The following CLRN2 variants were observed in gnomAD, a reference collection of about 807,000 sequenced individuals.
The protein encoded by CLRN2 is clarin-2.
A neutral mutation model predicts 20.1 loss-of-function variants in CLRN2; 17 were observed. The ratio of observed to expected loss-of-function variants is 0.85; its 90% CI spans 0.58 to 1.27. The LOEUF (loss-of-function observed/expected upper bound fraction) is 1.27, where lower values mean the gene tolerates loss of function less well. Among genes scored for constraint, CLRN2 ranks in the 50% most tolerant of loss-of-function variants. CLRN2 has a pLI of 0.00. For missense variants in CLRN2, 288 were observed against 299.5 expected, an observed-to-expected ratio of 0.96 and a Z score of 0.28; for synonymous variants, 140 against 126.9, an observed-to-expected ratio of 1.10 and a Z score of -0.70.
At chr4:17,518,589 C>T (rs1444528765) in intron 1 of CLRN2, among the ~76,000 whole-genome samples, 4 of 152,088 alleles carry the variant, frequency 2.6e-5, no homozygotes, top group Admixed American at 1.3e-4. Context: ...GGTGAAACCA[C>T]GTCTCTACTA....
intron 2 of CLRN2, among the ~76,000 whole-genome samples, chr4:17,523,470 C>T (rs1303964831): frequency 1.3e-5 from 2 of 152,060 alleles, no homozygotes; most frequent in African/African-American, 4.8e-5. Context: ...CTGTCTTAGC[C>T]TCCCAAAGTG....
At chr4:17,515,593 A>G (rs1711643606) in intron 1 of CLRN2, 74 bp downstream of exon 1, 4 of 1,528,094 alleles carry the variant, frequency 2.6e-6, no homozygotes, top group Non-Finnish European at 3.5e-6. Context: ...CTTATGTCTC[A>G]TTGTGGAATT....
At chr4:17,523,850 G>A (rs1016546297) in intron 2 of CLRN2, among the ~76,000 whole-genome samples, 1 of 149,094 alleles carries the variant, frequency 6.7e-6, no homozygotes, top group African/African-American at 2.5e-5. Context: ...TGCAGACGTG[G>A]CTCACTGGCT....
intron 1 of CLRN2, among the ~76,000 whole-genome samples, chr4:17,515,901 G>T (rs1711660426): frequency 6.6e-6 from 1 of 152,178 alleles, no homozygotes; most frequent in South Asian, 2.1e-4. Context: ...CCATTTTCCA[G>T]AGGAGTACAC....
chr4:17,519,399 A>G (rs796212796), intron 1 of CLRN2, among the ~76,000 whole-genome samples: 3 of 152,232 alleles, frequency 2.0e-5, no homozygotes, highest in African/African-American at 7.2e-5. Flanking sequence ...GTGCTTTCTG[A>G]TTTTTCTGCT....
Position 17,515,389 on chromosome 4 carries a change from G to A in CLRN2, c.123G>A (p.Gln41=). 5 of 1,613,992 alleles carry A rather than the reference G, an allele frequency of 3.1e-6. No individual in the cohort carries two copies. The Middle Eastern group carries it at 4.9e-4, about 160-fold the overall frequency. ...PHWLSGKILC[Q]TGVDLVNATD... ...GGCTGAGTGGGAAAATCCTTTGTCA[G>A]ACTGGAGTGGATCTGGTCAACGCCA... The change falls in exon 1 of 3, where the codon CAG becomes CAA. Residue 41 remains glutamine (Q), a synonymous_variant. Transcript: ENST00000511148.
At chr4:17,523,592 A>G (rs1012172741) in intron 2 of CLRN2, among the ~76,000 whole-genome samples, 12 of 151,998 alleles carry the variant, frequency 7.9e-5, no homozygotes, top group African/African-American at 2.2e-4. Context: ...AGGTGAAAGA[A>G]GAAGCCAGAA....
At chr4:17,524,231 T>C (rs906424374) in intron 2 of CLRN2, among the ~76,000 whole-genome samples, 3 of 138,606 alleles carry the variant, frequency 2.2e-5, no homozygotes, top group South Asian at 4.7e-4. Flanking sequence ...TGTGTGTGTG[T>C]GTGTGCGCGC....
At chr4:17,526,543 G>A (rs189787083) in intron 2 of CLRN2, among the ~76,000 whole-genome samples, 1 of 152,218 alleles carries the variant, frequency 6.6e-6, no homozygotes, top group Non-Finnish European at 1.5e-5. Flanking sequence ...CTGGGCAATA[G>A]AGCAAGACTC....
chr4:17,527,097 T>TG lies in CLRN2; in HGVS notation c.*15_*16insG, dbSNP rs1711996771. The TG allele has an allele frequency of 1.2e-6, 2 of 1,612,252 alleles. No individual in the cohort carries two copies. The highest frequency in any genetic ancestry group is 2.7e-5 in the African/African-American group (2 of 75,026). On this transcript the variant is annotated 3_prime_UTR_variant, in exon 3 of 3. Transcript: ENST00000511148. ...TCTTGTATTAATAGCCTTCCCCTGT[T>TG]CACAACCTGTCCTAAGTCAGTTCTG...
At chr4:17,526,766 A>AG in intron 2 of CLRN2, 51 bp from the exon 3 acceptor site, 2 of 1,605,592 alleles carry the variant, frequency 1.2e-6, no homozygotes, top group Non-Finnish European at 1.7e-6. Context: ...GCCACCTCTT[A>AG]CAGAGTTGCA....
chr4:17,521,320 C>G lies in CLRN2; in HGVS notation c.254-1544C>G, dbSNP rs138035417. The stretch of plus-strand genomic sequence containing the variant: ...TGAAAATGTGTCACCTAACGGGACA[C>G]CTAACGGGAAAAACAAAAACTCTAG... On this transcript the variant is annotated intron_variant, in intron 1 of 2. Coordinates refer to ENST00000511148, the MANE Select transcript of CLRN2 (RefSeq NM_001079827.2). Among the ~76,000 whole-genome samples, 262 of 152,246 alleles carry G rather than the reference C, an allele frequency of 1.7e-3. 1 individual carries two copies. Among genetic ancestry groups the G allele is most frequent in the African/African-American group, 6.0e-3 (250 of 41,542 alleles).
Position 17,515,347 on chromosome 4 carries a change from C to T in CLRN2, c.81C>T (p.Ala27=). 1 of 1,614,002 alleles carries T rather than the reference C, an allele frequency of 6.2e-7. No individual in the cohort carries two copies. The highest frequency in any genetic ancestry group is 8.5e-7 in the Non-Finnish European group (1 of 1,179,892). ...SFSSFILIIV[A]LVVPHWLSGK... ...CCTCCTTCATCCTGATCATCGTTGC[C>T]CTGGTAGTGCCCCACTGGCTGAGTG... The change falls in exon 1 of 3, where the codon GCC becomes GCT. Residue 27 remains alanine, a synonymous_variant. Coordinates refer to ENST00000511148, the MANE Select transcript of CLRN2 (RefSeq NM_001079827.2).
rs141826994 is a variant in CLRN2 at position 17,518,832 on chromosome 4, A to G, written c.253+3313A>G. Among the ~76,000 whole-genome samples, 743 of 152,284 alleles carry G rather than the reference A, an allele frequency of 4.9e-3. 4 individuals carry two copies. The highest frequency in any genetic ancestry group is 0.017 in the African/African-American group (690 of 41,572). ...ATAAAGGAGAGGCAGATAAATATAT[A>G]CTAGGCACAGAACACAGTATCTGAA... On this transcript the variant is annotated intron_variant, in intron 1 of 2. Coordinates refer to ENST00000511148, the MANE Select transcript of CLRN2 (RefSeq NM_001079827.2).
chr4:17,522,155 G>A (rs1230917507), intron 1 of CLRN2, among the ~76,000 whole-genome samples: 2 of 152,158 alleles, frequency 1.3e-5, no homozygotes, highest in East Asian at 1.9e-4. Context: ...ACAAGATGAC[G>A]ATGTAAAATG....
At chr4:17,520,447 T>G (rs938351795) in intron 1 of CLRN2, among the ~76,000 whole-genome samples, 2 of 152,246 alleles carry the variant, frequency 1.3e-5, no homozygotes, top group African/African-American at 4.8e-5. Flanking sequence ...ATCCACGCTT[T>G]GAGCACATGT....
Position 17,522,891 on chromosome 4 carries a change from A to C in CLRN2, c.281A>C (p.Asn94Thr), listed in dbSNP as rs568753346. Residue 94 changes from asparagine (N) to threonine (T), a missense_variant, in exon 2 of 3, where the codon AAC becomes ACC. Coordinates refer to ENST00000511148, the MANE Select transcript of CLRN2 (RefSeq NM_001079827.2). ...TIFPHLVKELNAGLHVMILLL... is the reference protein window; with the variant it reads ...TIFPHLVKELTAGLHVMILLL... Reference sequence around the variant, plus strand: ...TTCCCACACCTGGTGAAGGAGCTCAACGCAGGCCTTCATGTGATGATTCTG... The same window carrying C: ...TTCCCACACCTGGTGAAGGAGCTCACCGCAGGCCTTCATGTGATGATTCTG... The C allele has an allele frequency of 6.2e-7, 1 of 1,613,994 alleles. No homozygotes were observed. The highest frequency in any genetic ancestry group is 8.5e-7 in the Non-Finnish European group (1 of 1,179,890).
intron 1 of CLRN2, among the ~76,000 whole-genome samples, chr4:17,521,271 C>T (rs754147714): frequency 4.6e-5 from 7 of 152,140 alleles, no homozygotes; most frequent in Non-Finnish European, 8.8e-5. Flanking sequence ...AACATCAGAA[C>T]GCACAATGTA....
chr4:17,518,373 T>A (rs564782584), intron 1 of CLRN2, among the ~76,000 whole-genome samples: 9 of 152,366 alleles, frequency 5.9e-5, no homozygotes, highest in African/African-American at 2.2e-4. Context: ...TACTTTAGCA[T>A]TGTCCACACA....
Sources: gnomAD v4.1 joint callset for allele counts (sites outside exome capture counted in the v4.1 genomes callset) on GRCh38, gnomAD v4.1.1 for gene constraint, MANE v1.5 for transcripts, NCBI Gene and HGNC (gene_info 2026-07-23, HGNC 2026-07-21) for gene names.